GLIS3: variants seen among roughly 807,000 people sequenced by gnomAD.
The protein encoded by GLIS3 is GLIS family zinc finger 3, also known as zinc finger protein GLIS3.
A neutral mutation model predicts 78.6 loss-of-function variants in GLIS3; 53 were observed. That is an observed-to-expected ratio of 0.67 (90% confidence interval 0.54 to 0.85). The LOEUF (loss-of-function observed/expected upper bound fraction) is 0.85. Among genes scored for constraint, GLIS3 ranks in the 40% least tolerant of loss-of-function variants. The pLI is 0.00. For synonymous variants in GLIS3, 684 were observed against 509.9 expected (o/e 1.34, Z -4.60); for missense variants, 1,703 against 1,231.1 (o/e 1.38, Z -5.74).
At chr9:3,989,463 T>C (rs1422192031) in intron 4 of GLIS3, among the ~76,000 whole-genome samples, 2 of 152,220 alleles carry the variant, frequency 1.3e-5, no homozygotes, top group Non-Finnish European at 2.9e-5. Context: ...GCTTTACTTG[T>C]AATAGCTTAA....
At chr9:4,264,446 G>GT (rs951452312) in intron 2 of GLIS3, among the ~76,000 whole-genome samples, 35 of 152,322 alleles carry the variant, frequency 2.3e-4, no homozygotes, top group African/African-American at 8.4e-4. Context: ...TTTTTAAAAT[G>GT]TAAGTTACAT....
chr9:4,210,955 T>C (rs1413425349), intron 2 of GLIS3, among the ~76,000 whole-genome samples: 2 of 152,246 alleles, frequency 1.3e-5, no homozygotes, highest in African/African-American at 4.8e-5. Context: ...GGCCATCCTC[T>C]GCGCAGAGTT....
the GLIS3 span, among the ~76,000 whole-genome samples, chr9:4,440,861 T>C: frequency 1.3e-5 from 2 of 152,192 alleles, no homozygotes; most frequent in South Asian, 4.1e-4. Flanking sequence ...GTTTTCATTG[T>C]AAAGATCTTT....
intron 2 of GLIS3, among the ~76,000 whole-genome samples, chr9:4,326,608 G>A (rs187413764): frequency 7.2e-4 from 109 of 152,236 alleles, no homozygotes; most frequent in African/African-American, 2.6e-3. Flanking sequence ...ATGCTGGAGA[G>A]CGGATGGTGG....
At chr9:4,107,418 C>T (rs998980785) in intron 4 of GLIS3, among the ~76,000 whole-genome samples, 5 of 152,134 alleles carry the variant, frequency 3.3e-5, no homozygotes, top group Non-Finnish European at 1.5e-5. Flanking sequence ...GATCCTAAAA[C>T]CTCTCCACAA....
chr9:4,191,155 A>C (rs2890549), intron 2 of GLIS3, among the ~76,000 whole-genome samples: 114,408 of 147,600 alleles, frequency 0.78, 44,475 homozygotes, highest in African/African-American at 0.82. Context: ...CTAACATCAT[A>C]ATGACAGGAT....
intron 8 of GLIS3, among the ~76,000 whole-genome samples, chr9:3,860,217 A>G (rs7865538): frequency 0.15 from 20,179 of 133,026 alleles, 1,651 homozygotes; most frequent in East Asian, 0.34. Flanking sequence ...GGAGCTTGCA[A>G]TGAGCTGAGA....
chr9:3,862,214 T>C (rs755041131), intron 8 of GLIS3, among the ~76,000 whole-genome samples: 1 of 152,180 alleles, frequency 6.6e-6, no homozygotes, highest in Non-Finnish European at 1.5e-5. Context: ...AGGACTTCTC[T>C]AGCGGAGATG....
intron 2 of GLIS3, among the ~76,000 whole-genome samples, chr9:4,322,597 G>T (rs930813327): frequency 6.6e-6 from 1 of 152,076 alleles, no homozygotes; most frequent in Non-Finnish European, 1.5e-5. Flanking sequence ...TTTAATGATT[G>T]CCATTCTAAC....
At chr9:3,909,118 G>T (rs1391033650) in intron 6 of GLIS3, among the ~76,000 whole-genome samples, 6 of 152,180 alleles carry the variant, frequency 3.9e-5, no homozygotes, top group African/African-American at 1.2e-4. Context: ...AAGCCAGAAG[G>T]AAAGACAGTA....
chr9:4,162,896 A>G (rs1343547081), intron 2 of GLIS3, among the ~76,000 whole-genome samples: 1 of 148,084 alleles, frequency 6.8e-6, no homozygotes, highest in Non-Finnish European at 1.5e-5. Flanking sequence ...TCGCCAACAG[A>G]TCCATCCATG....
chr9:4,172,967 A>AT (rs1276389875), intron 2 of GLIS3, among the ~76,000 whole-genome samples: 1 of 152,096 alleles, frequency 6.6e-6, no homozygotes, highest in African/African-American at 2.4e-5. Flanking sequence ...CAAATTCTGA[A>AT]TTTTTTTGTA....
At chr9:3,887,876 G>A (rs181625949) in intron 7 of GLIS3, among the ~76,000 whole-genome samples, 5 of 152,246 alleles carry the variant, frequency 3.3e-5, no homozygotes, top group African/African-American at 2.4e-5. Context: ...ACTTCTCTGG[G>A]ATGAACCTTT....
chr9:3,941,619 A>G (rs1815924240), intron 4 of GLIS3, among the ~76,000 whole-genome samples: 1 of 152,028 alleles, frequency 6.6e-6, no homozygotes, highest in African/African-American at 2.4e-5. Context: ...GGGAGCCATC[A>G]TTTTCTGTTT....
At chr9:3,929,632 G>A (rs1825491911) in intron 6 of GLIS3, among the ~76,000 whole-genome samples, 1 of 152,142 alleles carries the variant, frequency 6.6e-6, no homozygotes, top group African/African-American at 2.4e-5. Context: ...GAGGCAGGCA[G>A]GCAAGCAGGG....
At chr9:4,321,525 A>C (rs921977376) in intron 2 of GLIS3, among the ~76,000 whole-genome samples, 5 of 147,946 alleles carry the variant, frequency 3.4e-5, no homozygotes. Flanking sequence ...TAAATTACCC[A>C]GTGCATGGTC....
chr9:4,307,458 G>A (rs1817256175), intron 4 of GLIS3, among the ~76,000 whole-genome samples: 1 of 152,060 alleles, frequency 6.6e-6, no homozygotes, highest in Non-Finnish European at 1.5e-5. Context: ...TATCTCCACA[G>A]GATGACCTTT....
intron 4 of GLIS3, chr9:4,034,657 T>C (rs1206554716): frequency 1.3e-5 from 2 of 152,204 alleles, no homozygotes; most frequent in African/African-American, 4.8e-5. Context: ...CAAGAAATTG[T>C]TTGGGGAGCC....
the GLIS3 span, among the ~76,000 whole-genome samples, chr9:4,358,598 C>G: frequency 6.6e-6 from 1 of 152,170 alleles, no homozygotes; most frequent in South Asian, 2.1e-4. Context: ...CTTCGTAATC[C>G]TTACCATCTC....
Sources: allele counts gnomAD v4.1 joint callset (sites outside exome capture counted in the v4.1 genomes callset), GRCh38; gene constraint gnomAD v4.1.1; transcripts MANE v1.5; gene names NCBI Gene and HGNC (gene_info 2026-07-23, HGNC 2026-07-21).